Variants in RDX observed in about 807,000 individuals in gnomAD.
The protein encoded by RDX is radixin, also known as deafness, autosomal recessive 24.
A neutral mutation model predicts 83.7 loss-of-function variants in RDX; 32 were observed. The observed-to-expected ratio is 0.38, with a 90% confidence interval of 0.29 to 0.51. The LOEUF (loss-of-function observed/expected upper bound fraction) is 0.51, where lower values mean the gene tolerates loss of function less well. Among genes scored for constraint, RDX ranks in the 20% least tolerant of loss-of-function variants. RDX has a pLI of 0.87. For synonymous variants in RDX, 229 were observed against 222.7 expected (o/e 1.03, Z -0.25); for missense variants, 600 against 689.9 (o/e 0.87, Z 1.46).
At chr11:110,270,802 T>C (rs539649714) in intron 3 of RDX, among the ~76,000 whole-genome samples, 2 of 152,344 alleles carry the variant, frequency 1.3e-5, no homozygotes, top group East Asian at 3.9e-4. Flanking sequence ...AAACAAGTTT[T>C]ATTTCTCAGT....
chr11:110,179,530 C>A (rs1034997720), intron 15 of RDX, among the ~76,000 whole-genome samples: 5 of 152,198 alleles, frequency 3.3e-5, no homozygotes, highest in Non-Finnish European at 7.3e-5. Context: ...CCCAGCACTT[C>A]GGAAGGCCGA....
chr11:110,237,680 A>G, intron 10 of RDX, 28 bp from the exon 11 acceptor site: 1 of 1,609,262 alleles, frequency 6.2e-7, no homozygotes, highest in Non-Finnish European at 8.5e-7. Context: ...TCCCCCCAAC[A>G]GTGATTAATT....
chr11:110,199,797 C>T, intron 14 of RDX: 1 of 689,338 alleles, frequency 1.5e-6, no homozygotes, highest in East Asian at 2.7e-5. Context: ...TCTTGTCAGC[C>T]TGGATTATGT....
At chr11:110,182,866 T>C (rs902637829) in intron 15 of RDX, among the ~76,000 whole-genome samples, 1 of 152,198 alleles carries the variant, frequency 6.6e-6, no homozygotes, top group African/African-American at 2.4e-5. Context: ...ACGGATTCTA[T>C]GTATTTGGGG....
At chr11:110,269,105 CA>C (rs1292189464) in intron 3 of RDX, among the ~76,000 whole-genome samples, 1 of 151,786 alleles carries the variant, frequency 6.6e-6, no homozygotes, top group African/African-American at 2.4e-5. Context: ...AAGTGTGCAC[CA>C]CCACACTCAG....
At chr11:110,284,565 G>T (rs1860901042) in intron 1 of RDX, among the ~76,000 whole-genome samples, 1 of 151,644 alleles carries the variant, frequency 6.6e-6, no homozygotes, top group Admixed American at 6.6e-5. Flanking sequence ...CTGTTGCCCA[G>T]GCTGGAGTGC....
intron 15 of RDX, among the ~76,000 whole-genome samples, chr11:110,176,302 G>A (rs1178986524): frequency 1.3e-4 from 20 of 152,080 alleles, no homozygotes; most frequent in Non-Finnish European, 4.4e-5. Flanking sequence ...GACCTCAAGT[G>A]ATCTGCCTGC....
intron 14 of RDX, among the ~76,000 whole-genome samples, chr11:110,199,938 C>T (rs1487471701): frequency 6.6e-6 from 1 of 152,142 alleles, no homozygotes; most frequent in East Asian, 1.9e-4. Context: ...AGATGCTAGA[C>T]TTCAAATAGT....
rs1258476778 is a variant in RDX, at chr11:110,231,070, C to G, written c.*799G>C. ...CAAAACTTTTAAAATCTTGCAGAGG[C>G]TGTTTCATCAGTAAACTCTCCTAGG... On this transcript the variant is annotated 3_prime_UTR_variant, in exon 14 of 14. Coordinates refer to ENST00000645495, the MANE Select transcript of RDX (RefSeq NM_002906.4). The G allele has an allele frequency of 6.6e-6, 1 of 152,550 alleles. No individual in the cohort carries two copies. The allele number at this position is 152,550 out of a possible 1,614,324, so 9.4% of individuals were successfully genotyped here.
At chr11:110,296,318 G>C (rs1047917733) in intron 1 of RDX, 149 bp downstream of exon 1, 1 of 151,894 alleles carries the variant, frequency 6.6e-6, no homozygotes, top group African/African-American at 2.4e-5. Flanking sequence ...GTGGCGCCTC[G>C]GCCAGCTGGG....
chr11:110,253,020 C>T (rs1859401573), intron 9 of RDX, among the ~76,000 whole-genome samples: 1 of 152,018 alleles, frequency 6.6e-6, no homozygotes, highest in Non-Finnish European at 1.5e-5. Context: ...TGGTTAACTT[C>T]TCTAAGGAAG....
intron 3 of RDX, among the ~76,000 whole-genome samples, chr11:110,271,404 T>C (rs946081290): frequency 1.3e-5 from 2 of 152,178 alleles, no homozygotes; most frequent in African/African-American, 4.8e-5. Flanking sequence ...GAAGTTTATA[T>C]AAAAGTTATC....
intron 10 of RDX, among the ~76,000 whole-genome samples, chr11:110,242,719 A>T (rs1413758984): frequency 6.6e-6 from 1 of 152,198 alleles, no homozygotes; most frequent in Non-Finnish European, 1.5e-5. Context: ...TTCTGAAAAC[A>T]TCAGGTCTAC....
intron 15 of RDX, among the ~76,000 whole-genome samples, chr11:110,176,101 T>C (rs1216207732): frequency 4.4e-4 from 66 of 151,122 alleles, no homozygotes; most frequent in African/African-American, 1.5e-3. Context: ...TTTTTTTTTT[T>C]CTGAGGCAGA....
Position 110,199,650 on chromosome 11 carries a change from G to A in RDX, c.1777C>T (p.Gln593Ter). 4.3e-6 allele frequency: 3 copies of A among 703,038 alleles called. No individual in the cohort carries two copies. The highest frequency in any genetic ancestry group is 7.8e-6 in the Non-Finnish European group (3 of 385,000). 43.5% of individuals were successfully genotyped at this position (703,038 alleles called of 1,614,324 possible). A position where few individuals can be genotyped will look rare whatever the true frequency, so the allele number is the denominator to read the frequency against. ...ATGCTGCTTTGGCAAGAGCGCATCT[G>A]GAACAATGCATACAGTTTGGGTCCC... Residue 593 changes from glutamine (Q) to a stop codon, truncating the protein, a stop_gained, in exon 15 of 16, where the codon CAG (glutamine) becomes TAG (stop). Coordinates refer to the RDX transcript ENST00000528498. LOFTEE classifies it high-confidence loss of function.
intron 10 of RDX, among the ~76,000 whole-genome samples, chr11:110,245,415 C>G (rs753235649): frequency 6.6e-6 from 1 of 152,188 alleles, no homozygotes; most frequent in Non-Finnish European, 1.5e-5. Context: ...GCCTGTGCAA[C>G]AGAGTGAGAA....
intron 14 of RDX, among the ~76,000 whole-genome samples, chr11:110,202,175 A>T (rs550261636): frequency 1.3e-5 from 2 of 151,836 alleles, no homozygotes; most frequent in Non-Finnish European, 2.9e-5. Context: ...GGGGTTGATC[A>T]CCTGAGGTCA....
At chr11:110,296,145 G>C (rs943639784) in intron 1 of RDX, among the ~76,000 whole-genome samples, 1 of 152,322 alleles carries the variant, frequency 6.6e-6, no homozygotes, top group East Asian at 1.9e-4. Context: ...CACCGGCGCT[G>C]AAGGCAGACT....
chr11:110,217,204 C>T (rs1010548049), intron 14 of RDX, among the ~76,000 whole-genome samples: 5 of 152,224 alleles, frequency 3.3e-5, no homozygotes, highest in African/African-American at 1.2e-4. Flanking sequence ...ACATTTTCTT[C>T]TAACTCAGTC....
Sources: gnomAD v4.1 joint callset for allele counts (sites outside exome capture counted in the v4.1 genomes callset) on GRCh38, gnomAD v4.1.1 for gene constraint, MANE v1.5 for transcripts, NCBI Gene and HGNC (gene_info 2026-07-23, HGNC 2026-07-21) for gene names.